The following TMEM25 variants were observed in gnomAD, a reference collection of about 807,000 sequenced individuals.
TMEM25 encodes the protein 0610039J01Rik.
TMEM25 carries 36 observed loss-of-function variants against 37.0 expected under a neutral mutation model. The ratio of observed to expected loss-of-function variants is 0.97; its 90% CI spans 0.75 to 1.28. The LOEUF (loss-of-function observed/expected upper bound fraction) is 1.28. Ranked by LOEUF, TMEM25 falls within the 50% of genes most tolerant of loss-of-function variation. The pLI is 0.00. For synonymous variants in TMEM25, 197 were observed against 203.7 expected, an observed-to-expected ratio of 0.97 and a Z score of 0.28; for missense variants, 444 against 477.9, an observed-to-expected ratio of 0.93 and a Z score of 0.66.
rs1555060992 is a variant in TMEM25, at chr11:118,533,499, G to A, written c.753G>A (p.Gly251=). 6.2e-7 allele frequency: 1 copy of A among 1,614,090 alleles called. No individual in the cohort carries two copies. The highest frequency in any genetic ancestry group is 1.3e-5 in the African/African-American group (1 of 74,936). Residue 251 remains glycine (G), a synonymous_variant, in exon 5 of 9, where the codon GGG becomes GGA. Coordinates refer to ENST00000313236, the MANE Select transcript of TMEM25 (RefSeq NM_032780.4). ...GGCTTGCACTGGGCACCCTCGTGGG[G>A]TTCAGCACCTTGGTGGCCTGCCTGG... ...AAGLALGTLV[G]FSTLVACLVC...
rs781862145 is a variant in TMEM25 at position 118,532,343 on chromosome 11, T to C, written c.264T>C (p.Ser88=). The C allele has an allele frequency of 1.2e-6, 2 of 1,614,174 alleles. No individual in the cohort carries two copies. Among genetic ancestry groups the C allele is most frequent in the Non-Finnish European group, 8.5e-7 (1 of 1,180,016 alleles). ...RLLSVGGEAF[S]GGTSTFTVTA... ...TGAGCGTGGGAGGGGAGGCCTTCTC[T>C]GGAGGCACCAGCACCTTCACTGTCA... The change falls in exon 3 of 9, where the codon TCT becomes TCC. Residue 88 remains serine (S), a synonymous_variant. Coordinates refer to ENST00000313236, the MANE Select transcript of TMEM25 (RefSeq NM_032780.4).
In TMEM25 at chr11:118,533,185, C is replaced by T. The variant is rs782816511; in HGVS notation, c.651C>T (p.Thr217=). 4.4e-5 allele frequency: 70 copies of T among 1,601,524 alleles called. No homozygotes were observed. Among genetic ancestry groups the T allele is most frequent in the Non-Finnish European group, 5.7e-5 (67 of 1,177,890 alleles). ...SVVATNDVGV[T]SASLPAPGLL... ...TGGCCACCAATGACGTGGGTGTCACCAGTGCGTCGCTTCCAGCCCCAGGTG... is the reference window on the plus strand; with the variant it reads ...TGGCCACCAATGACGTGGGTGTCACTAGTGCGTCGCTTCCAGCCCCAGGTG... Residue 217 remains threonine (T), a synonymous_variant, in exon 4 of 9, where the codon ACC becomes ACT. Coordinates refer to ENST00000313236, the MANE Select transcript of TMEM25 (RefSeq NM_032780.4).
chr11:118,541,529 G>A (rs942984678), intron 8 of TMEM25, among the ~76,000 whole-genome samples: 2 of 148,922 alleles, frequency 1.3e-5, no homozygotes, highest in Non-Finnish European at 3.0e-5. Flanking sequence ...TCCATTTTTT[G>A]TTACTTATAA....
At chr11:118,546,983 A>G (rs782245287), downstream of TMEM25, 6 of 152,184 alleles carry the variant, frequency 3.9e-5, no homozygotes, top group Non-Finnish European at 7.3e-5. Flanking sequence ...ACTTGCTGCA[A>G]TTTGCTTTTT....
downstream of TMEM25, chr11:118,546,505 G>A (rs538641120): frequency 2.8e-5 from 6 of 213,254 alleles, no homozygotes; most frequent in South Asian, 2.1e-4. Flanking sequence ...AGGAAGGAAG[G>A]GAGGGAGGGA....
rs1047416091 is a variant in TMEM25 at position 118,531,841 on chromosome 11, C to A, written c.40C>A (p.Leu14Met). Residue 14 changes from leucine to methionine, a missense_variant, in exon 2 of 9, where the codon CTG (leucine) becomes ATG (methionine). By Grantham distance (15) the Leu-to-Met change is conservative. Coordinates refer to ENST00000313236, the MANE Select transcript of TMEM25 (RefSeq NM_032780.4). ...PPGPAALRHT[L>M]LLLPALLSSG... is the part of the protein sequence containing the mutation. ...AGGCCCAGCCGCCCTCCGGCACACA[C>A]TGCTGCTCCTGCCAGCCCTTCTGAG... 6.4e-7 allele frequency: 1 copy of A among 1,551,568 alleles called. No individual in the cohort carries two copies. The highest frequency in any genetic ancestry group is 8.7e-7 in the Non-Finnish European group (1 of 1,146,984).
chr11:118,532,005 C>T lies in TMEM25; in HGVS notation c.70+134C>T. 2.9e-6 allele frequency: 4 copies of T among 1,361,256 alleles called. No homozygotes were observed. The South Asian group carries it at 5.7e-5, about 19-fold the overall frequency. The allele number at this position is 1,361,256 out of a possible 1,614,324, so 84.3% of individuals were successfully genotyped here. A position where few individuals can be genotyped will look rare whatever the true frequency, so the allele number is the denominator to read the frequency against. Reference sequence around the variant, plus strand: ...TCCCTGTCCCCTTCACCCACCTACCCTAGGTCCAACCAGCCAGTCCCTGGT... The same window carrying T: ...TCCCTGTCCCCTTCACCCACCTACCTTAGGTCCAACCAGCCAGTCCCTGGT... On this transcript the variant is annotated intron_variant, in intron 2 of 8. Coordinates refer to ENST00000313236, the MANE Select transcript of TMEM25 (RefSeq NM_032780.4).
At chr11:118,545,662 C>T in intron 8 of TMEM25, 1 of 1,165,604 alleles carries the variant, frequency 8.6e-7, no homozygotes, top group East Asian at 2.3e-5. Context: ...TGAGTGCTGC[C>T]AAAGAGCACA....
chr11:118,541,461 C>CAAAAAA (rs1216078404), intron 8 of TMEM25, among the ~76,000 whole-genome samples: 11 of 32,830 alleles, frequency 3.4e-4, no homozygotes, highest in African/African-American at 9.3e-4. Flanking sequence ...GACCCTGTCT[C>CAAAAAA]AAAAAAAAAA....
downstream of TMEM25, among the ~76,000 whole-genome samples, chr11:118,539,687 G>C (rs1374714665): frequency 6.6e-6 from 1 of 152,004 alleles, no homozygotes; most frequent in African/African-American, 2.4e-5. Flanking sequence ...CCAAGTGTAA[G>C]TTTTCATTGG....
At chr11:118,533,963 G>A in intron 6 of TMEM25, 66 bp from the exon 7 acceptor site, 9 of 1,613,866 alleles carry the variant, frequency 5.6e-6, no homozygotes, top group Non-Finnish European at 2.5e-6. Context: ...TGGGGTTTCT[G>A]GTAGAGGCAG....
At position 118,534,237 on chromosome 11, in the gene TMEM25, T is replaced by C; in HGVS notation, c.938-29T>C. 6.2e-7 allele frequency: 1 copy of C among 1,613,986 alleles called. No individual in the cohort carries two copies. On this transcript the variant is annotated intron_variant, in intron 7 of 8. Transcript: ENST00000313236. This position sits in a 1 kb window ranked among gnomAD's most constrained non-coding sequence, Gnocchi z 4.6. Reference sequence around the variant, plus strand: ...GAGGCCTCATCAGGCACACTCCTCGTCCTGAACACTGCCCTCTTTGTCAAC... The same window carrying C: ...GAGGCCTCATCAGGCACACTCCTCGCCCTGAACACTGCCCTCTTTGTCAAC...
At chr11:118,544,956 G>A (rs782205355) in intron 8 of TMEM25, 7 of 1,613,844 alleles carry the variant, frequency 4.3e-6, no homozygotes, top group East Asian at 2.2e-5. Context: ...AGCTTGGGAG[G>A]TGGAATTGGA....
At position 118,535,651 on chromosome 11, in the gene TMEM25, G is replaced by T. The variant is rs1420900086; in HGVS notation, c.*1071G>T. 2.6e-6 allele frequency: 4 copies of T among 1,516,890 alleles called. No homozygotes were observed. Among genetic ancestry groups the T allele is most frequent in the Non-Finnish European group, 3.5e-6 (4 of 1,132,996 alleles). The allele number at this position is 1,516,890 out of a possible 1,614,324, so 94.0% of individuals were successfully genotyped here. On this transcript the variant is annotated 3_prime_UTR_variant, in exon 9 of 9. Transcript: ENST00000313236. ...TTAGGGGAACATGGAGAAAGAAGGA[G>T]ACCACATACCCCAAAGTGACCTAAG...
chr11:118,532,337 C>T lies in TMEM25; in HGVS notation c.258C>T (p.Ala86=). The T allele has an allele frequency of 6.2e-7, 1 of 1,614,194 alleles. No homozygotes were observed. The highest frequency in any genetic ancestry group is 8.5e-7 in the Non-Finnish European group (1 of 1,180,024). ...GACTGCTGAGCGTGGGAGGGGAGGC[C>T]TTCTCTGGAGGCACCAGCACCTTCA... The part of the protein sequence containing the change: ...TSRLLSVGGE[A]FSGGTSTFTV... Residue 86 remains alanine (A), a synonymous_variant, in exon 3 of 9, where the codon GCC becomes GCT. Coordinates refer to ENST00000313236, the MANE Select transcript of TMEM25 (RefSeq NM_032780.4).
At position 118,535,338 on chromosome 11, in the gene TMEM25, C is replaced by A. The variant is rs781975273; in HGVS notation, c.*758C>A. 4 of 1,381,174 alleles carry A rather than the reference C, an allele frequency of 2.9e-6. No individual in the cohort carries two copies. Among genetic ancestry groups the A allele is most frequent in the Non-Finnish European group, 3.7e-6 (4 of 1,069,504 alleles). 85.6% of individuals were successfully genotyped at this position (1,381,174 alleles called of 1,614,324 possible). A position where few individuals can be genotyped will look rare whatever the true frequency, so the allele number is the denominator to read the frequency against. ...GCGATGAGTCTAGTAGCACCCAGGA[C>A]GGCTTGTAGCTATGCATCATTTTCC... On this transcript the variant is annotated 3_prime_UTR_variant, in exon 9 of 9. Coordinates refer to ENST00000313236, the MANE Select transcript of TMEM25 (RefSeq NM_032780.4).
downstream of TMEM25, among the ~76,000 whole-genome samples, chr11:118,536,949 A>G (rs1226354415): frequency 1.3e-5 from 2 of 152,108 alleles, no homozygotes; most frequent in African/African-American, 4.8e-5. Context: ...ATCATAGCTC[A>G]CTGCAGCCTT....
rs782624272 is a variant in TMEM25 at position 118,534,759 on chromosome 11, C to A, written c.*179C>A. The A allele has an allele frequency of 1.7e-5, 24 of 1,428,564 alleles. No individual in the cohort carries two copies. The highest frequency in any genetic ancestry group is 2.2e-5 in the Non-Finnish European group (24 of 1,091,826). The allele number at this position is 1,428,564 out of a possible 1,614,324, so 88.5% of individuals were successfully genotyped here. ...GTGATGCATTTCACTGGGCTGTAAC[C>A]CGCAGGGGCACAGGTATCTTTGGCA... is the stretch of plus-strand genomic sequence containing the variant. On this transcript the variant is annotated 3_prime_UTR_variant, in exon 9 of 9. Coordinates refer to ENST00000313236, the MANE Select transcript of TMEM25 (RefSeq NM_032780.4). The surrounding 1 kb of genome is among the most constrained non-coding windows in gnomAD (Gnocchi z 4.6).
At chr11:118,540,247 C>CTA (rs1421439829), downstream of TMEM25, among the ~76,000 whole-genome samples, 4 of 151,936 alleles carry the variant, frequency 2.6e-5, no homozygotes, top group Non-Finnish European at 5.9e-5. Context: ...CTAGCTGGGA[C>CTA]TACGGGTTGG....
Sources: gnomAD v4.1 joint callset for allele counts (sites outside exome capture counted in the v4.1 genomes callset) on GRCh38, gnomAD v4.1.1 for gene constraint, Gnocchi (gnomAD v3.1) non-coding constraint, MANE v1.5 for transcripts, NCBI Gene and HGNC (gene_info 2026-07-23, HGNC 2026-07-21) for gene names.